IQCM: variants seen among roughly 807,000 people sequenced by gnomAD.
IQCM encodes IQ domain-containing protein M.
Under a neutral mutation model 57.6 loss-of-function variants are expected in IQCM, and 45 were observed. The observed-to-expected ratio is 0.78, with a 90% CI of 0.62 to 1.00. The LOEUF is 1.00. Ranked by LOEUF, IQCM falls within the 50% of genes least tolerant of loss-of-function variation. The probability of loss-of-function intolerance (pLI) is 0.00; values close to 1 mark genes in which losing one functional copy is unlikely to be tolerated. For synonymous variants in IQCM, 148 were observed against 158.9 expected (o/e 0.93, Z 0.51); for missense variants, 468 against 511.6 (o/e 0.91, Z 0.82).
chr4:149,590,039 T>C (rs1000305670), intron 8 of IQCM, among the ~76,000 whole-genome samples: 2 of 151,954 alleles, frequency 1.3e-5, no homozygotes, highest in Non-Finnish European at 2.9e-5. Flanking sequence ...TTGGCCACAC[T>C]AACTGAATTG....
At chr4:149,358,593 C>G (rs756961330) in intron 13 of IQCM, among the ~76,000 whole-genome samples, 1 of 151,878 alleles carries the variant, frequency 6.6e-6, no homozygotes, top group Non-Finnish European at 1.5e-5. Flanking sequence ...TGTCATATGG[C>G]AGAATAGACT....
At chr4:149,442,943 CACACACACACAGAGAGAGAGAGAG>C (rs1207136607) in intron 12 of IQCM, among the ~76,000 whole-genome samples, 10 of 53,702 alleles carry the variant, frequency 1.9e-4, no homozygotes, top group South Asian at 1.0e-3. Context: ...CACACACACA[CACACACACACAGAGAGAGAGAGAG>C]AGAGAGAGAG....
intron 2 of IQCM, among the ~76,000 whole-genome samples, chr4:149,803,355 T>C (rs926701536): frequency 3.9e-5 from 6 of 152,038 alleles, no homozygotes; most frequent in Admixed American, 3.9e-4. Flanking sequence ...TGTCCCACAG[T>C]TCTTACTCTG....
chr4:149,557,294 T>A (rs1469440738), intron 10 of IQCM, among the ~76,000 whole-genome samples: 1 of 152,216 alleles, frequency 6.6e-6, no homozygotes, highest in Non-Finnish European at 1.5e-5. Context: ...GGCCTCGTTT[T>A]ATAGTGCTCT....
chr4:149,771,676 T>G (rs1770595016), intron 2 of IQCM, among the ~76,000 whole-genome samples: 1 of 152,038 alleles, frequency 6.6e-6, no homozygotes, highest in Non-Finnish European at 1.5e-5. Flanking sequence ...ACATTGTATA[T>G]CCTAAGTTTG....
intron 12 of IQCM, among the ~76,000 whole-genome samples, chr4:149,525,434 T>C (rs142140089): frequency 2.0e-5 from 3 of 151,988 alleles, no homozygotes; most frequent in Non-Finnish European, 4.4e-5. Context: ...CCAAAAACTT[T>C]ATAACAGACA....
Position 149,682,185 on chromosome 4 carries a change from G to A in IQCM, c.498C>T (p.Leu166=). The A allele has an allele frequency of 1.6e-6, 2 of 1,223,300 alleles. No individual in the cohort carries two copies. The highest frequency in any genetic ancestry group is 2.0e-6 in the Non-Finnish European group (2 of 980,448). 75.8% of individuals were successfully genotyped at this position (1,223,300 alleles called of 1,614,324 possible). Residue 166 remains leucine (L), a synonymous_variant, in exon 7 of 14, where the codon CTC becomes CTT. Coordinates refer to ENST00000636793, the MANE Select transcript of IQCM (RefSeq NM_001363507.2). The stretch of plus-strand genomic sequence containing the variant: ...AGTAAAGATGGACAGGAAAGGGATA[G>A]AGTAATTCCAACATTCTGTTTCTGA... ...EESRNRMLEL[L]YPFPVHLYLQ...
chr4:149,435,848 C>T (rs895812836), intron 12 of IQCM, among the ~76,000 whole-genome samples: 3 of 151,910 alleles, frequency 2.0e-5, no homozygotes, highest in Admixed American at 2.0e-4. Flanking sequence ...AATAAGAATG[C>T]AAACAAAGAA....
intron 13 of IQCM, among the ~76,000 whole-genome samples, chr4:149,358,433 C>A (rs2110898761): frequency 6.6e-6 from 1 of 152,232 alleles, no homozygotes; most frequent in South Asian, 2.1e-4. Flanking sequence ...CCCATAGATT[C>A]TGGTATGTTG....
chr4:149,404,950 T>G (rs1732875506), intron 13 of IQCM, among the ~76,000 whole-genome samples: 1 of 152,048 alleles, frequency 6.6e-6, no homozygotes, highest in Non-Finnish European at 1.5e-5. Flanking sequence ...TTTAAAGATC[T>G]AACAAACTGA....
chr4:149,572,045 C>T (rs1285259739), intron 9 of IQCM, among the ~76,000 whole-genome samples: 4 of 151,994 alleles, frequency 2.6e-5, no homozygotes, highest in Non-Finnish European at 5.9e-5. Flanking sequence ...TAAGTTATTA[C>T]TGAATCTATA....
intron 2 of IQCM, among the ~76,000 whole-genome samples, chr4:149,766,626 C>G (rs187756236): frequency 4.2e-4 from 64 of 152,210 alleles, no homozygotes; most frequent in Middle Eastern, 3.4e-3. Context: ...GAAAATAAAG[C>G]CCATTTTATT....
At chr4:149,576,130 A>C (rs1165944130) in intron 9 of IQCM, among the ~76,000 whole-genome samples, 1 of 151,826 alleles carries the variant, frequency 6.6e-6, no homozygotes, top group Non-Finnish European at 1.5e-5. Context: ...TTCCAATTTA[A>C]TCAATTCTGA....
chr4:149,790,077 C>G (rs562837353), intron 2 of IQCM: 1 of 623,542 alleles, frequency 1.6e-6, no homozygotes, highest in East Asian at 3.3e-5. Context: ...CCAGGAACTT[C>G]ATCTGCAGCA....
At chr4:149,423,982 T>C (rs989757351) in intron 13 of IQCM, among the ~76,000 whole-genome samples, 2 of 151,888 alleles carry the variant, frequency 1.3e-5, no homozygotes, top group Non-Finnish European at 2.9e-5. Flanking sequence ...TTTCAATATA[T>C]AAATAATAAA....
At chr4:149,533,232 T>C (rs1746930453) in intron 12 of IQCM, among the ~76,000 whole-genome samples, 1 of 152,044 alleles carries the variant, frequency 6.6e-6, no homozygotes, top group African/African-American at 2.4e-5. Flanking sequence ...ATAGGAAGGA[T>C]TGAGAGAATT....
At chr4:149,753,247 G>A (rs1489155348) in intron 2 of IQCM, among the ~76,000 whole-genome samples, 3 of 151,384 alleles carry the variant, frequency 2.0e-5, no homozygotes, top group Non-Finnish European at 2.9e-5. Flanking sequence ...CATAGGAAAC[G>A]AAAACAATAA....
At chr4:149,724,518 G>C (rs1765719402) in intron 5 of IQCM, among the ~76,000 whole-genome samples, 1 of 151,602 alleles carries the variant, frequency 6.6e-6, no homozygotes, top group African/African-American at 2.4e-5. Context: ...CAAATATGTA[G>C]AGACTCTCCC....
intron 7 of IQCM, among the ~76,000 whole-genome samples, chr4:149,660,078 C>T (rs1760032021): frequency 6.6e-6 from 1 of 151,388 alleles, no homozygotes; most frequent in East Asian, 1.9e-4. Context: ...TTGCAACCTA[C>T]TCATCTGACA....
Sources: gnomAD v4.1 joint callset for allele counts (sites outside exome capture counted in the v4.1 genomes callset) on GRCh38, gnomAD v4.1.1 for gene constraint, MANE v1.5 for transcripts, NCBI Gene and HGNC (gene_info 2026-07-23, HGNC 2026-07-21) for gene names.